ACOT7: variants seen among roughly 807,000 people sequenced by gnomAD.
ACOT7 encodes the protein acyl-CoA thioesterase 7, also known as cytosolic acyl coenzyme A thioester hydrolase.
In ACOT7, 12 loss-of-function variants were observed where a neutral mutation model predicts 40.2. That is an observed-to-expected ratio of 0.30 (90% CI 0.19 to 0.48). The LOEUF is 0.48. ACOT7 is among the 20% of genes least tolerant of loss of function. The pLI, the probability that ACOT7 is intolerant of heterozygous loss-of-function variation, is 0.99. For synonymous variants in ACOT7, 228 were observed against 219.5 expected (o/e 1.04, Z -0.34); for missense variants, 395 against 530.8 (o/e 0.74, Z 2.51).
chr1:6,296,548 C>T (rs1246974107), intron 6 of ACOT7, among the ~76,000 whole-genome samples: 3 of 151,890 alleles, frequency 2.0e-5, no homozygotes, highest in African/African-American at 7.3e-5. Context: ...CTCAGCCTCC[C>T]GAGTAGCTGG....
At chr1:6,367,947 T>G (rs1285872280) in intron 1 of ACOT7, among the ~76,000 whole-genome samples, 2 of 152,000 alleles carry the variant, frequency 1.3e-5, no homozygotes, top group African/African-American at 4.8e-5. Context: ...TCCCAGTGAG[T>G]GTTCAGCTCT....
At position 6,306,659 on chromosome 1, in the gene ACOT7, C is replaced by T. The variant is rs1344230030; in HGVS notation, c.713-11679G>A. On this transcript the variant is annotated intron_variant, in intron 6 of 8. Transcript: ENST00000361521. This position sits in a 1 kb window ranked among gnomAD's most constrained non-coding sequence, Gnocchi z 4.3. ...CTCAGCTTCACGAGGAAGAAAGCGG[C>T]GTCCCAAAGCATTTGTTTGTTCACC... 3.0e-6 allele frequency: 3 copies of T among 985,242 alleles called. No homozygotes were observed. The highest frequency in any genetic ancestry group is 3.5e-5 in the African/African-American group (2 of 57,220). 61.0% of individuals were successfully genotyped at this position (985,242 alleles called of 1,614,324 possible).
intron 5 of ACOT7, among the ~76,000 whole-genome samples, chr1:6,322,517 G>A (rs923497466): frequency 2.6e-5 from 4 of 152,320 alleles, no homozygotes; most frequent in East Asian, 1.9e-4. Flanking sequence ...GCAGAAATTC[G>A]TCTCACAGCC....
Position 6,280,049 on chromosome 1 carries a change from A to G in ACOT7, c.1014+1053T>C, listed in dbSNP as rs567480646. ...GCTTGCGGATCTGCGTGGGGAGCAGACGCCGCGGGGGCAGGGGCCTCGAGA... is the reference window on the plus strand; with the variant it reads ...GCTTGCGGATCTGCGTGGGGAGCAGGCGCCGCGGGGGCAGGGGCCTCGAGA... On this transcript the variant is annotated intron_variant, in intron 8 of 8. Coordinates refer to ENST00000361521, the MANE Select transcript of ACOT7 (RefSeq NM_007274.4). 1.2e-4 allele frequency among the ~76,000 whole-genome samples: 19 copies of G among 152,310 alleles called. No individual in the cohort carries two copies. The South Asian group carries it at 3.7e-3, about 30-fold the overall frequency.
At chr1:6,281,810 T>C (rs1639367111) in intron 7 of ACOT7, among the ~76,000 whole-genome samples, 1 of 152,076 alleles carries the variant, frequency 6.6e-6, no homozygotes, top group Admixed American at 6.5e-5. Flanking sequence ...ATTCCCACCC[T>C]CAGGGGCTCC....
At chr1:6,293,242 G>A (rs1005344389) in intron 7 of ACOT7, among the ~76,000 whole-genome samples, 5 of 152,198 alleles carry the variant, frequency 3.3e-5, no homozygotes, top group African/African-American at 1.2e-4. Context: ...GGACAACTGA[G>A]CACGGCAAGT....
At chr1:6,292,843 G>A (rs954225223) in intron 7 of ACOT7, among the ~76,000 whole-genome samples, 1 of 150,904 alleles carries the variant, frequency 6.6e-6, no homozygotes, top group African/African-American at 2.4e-5. Flanking sequence ...CACCAGCCTG[G>A]CTAATTTTTG....
chr1:6,341,818 AC>A lies in ACOT7; in HGVS notation c.262-2230del, dbSNP rs1332031688. On this transcript the variant is annotated intron_variant, in intron 2 of 8. Coordinates refer to ENST00000361521, the MANE Select transcript of ACOT7 (RefSeq NM_007274.4). ...TCTCATGATTCAAAATGTAAAAGGA[AC>A]AAAAAAGCCTATGGTGCTGGGTCTA... Among the ~76,000 whole-genome samples, 6 of 152,226 alleles carry A rather than the reference AC, an allele frequency of 3.9e-5. No homozygotes were observed. The East Asian group carries it at 1.2e-3, about 29-fold the overall frequency.
chr1:6,287,247 G>C (rs908498353), intron 7 of ACOT7, among the ~76,000 whole-genome samples: 1 of 151,014 alleles, frequency 6.6e-6, no homozygotes, highest in African/African-American at 2.5e-5. Context: ...AGGCCCTGAC[G>C]GGGCGGATGC....
intron 3 of ACOT7, among the ~76,000 whole-genome samples, chr1:6,334,079 T>C (rs1350989768): frequency 6.6e-6 from 1 of 152,108 alleles, no homozygotes; most frequent in Non-Finnish European, 1.5e-5. Context: ...GGAGCTTGAT[T>C]ATGAAAACAC....
chr1:6,370,287 A>G (rs1462144216), intron 1 of ACOT7, among the ~76,000 whole-genome samples: 1 of 152,208 alleles, frequency 6.6e-6, no homozygotes, highest in Admixed American at 6.5e-5. Context: ...CAGCTTGCAG[A>G]ACCATGAGCC....
At chr1:6,364,433 C>T (rs1017280134) in intron 1 of ACOT7, among the ~76,000 whole-genome samples, 4 of 149,550 alleles carry the variant, frequency 2.7e-5, no homozygotes, top group Admixed American at 6.7e-5. Flanking sequence ...CCCAGCTACT[C>T]GGGAGGCTGA....
At chr1:6,332,643 G>A (rs890538454) in intron 4 of ACOT7, among the ~76,000 whole-genome samples, 25 of 152,010 alleles carry the variant, frequency 1.6e-4, no homozygotes, top group East Asian at 1.9e-4. Flanking sequence ...GAGAAATCCC[G>A]TCTCTACTAA....
intron 7 of ACOT7, among the ~76,000 whole-genome samples, chr1:6,291,861 G>A (rs1639674228): frequency 6.6e-6 from 1 of 152,206 alleles, no homozygotes; most frequent in Non-Finnish European, 1.5e-5. Flanking sequence ...GAGCCAGCAG[G>A]GGCCGTGCCT....
intron 1 of ACOT7, among the ~76,000 whole-genome samples, chr1:6,356,178 G>A (rs1641738581): frequency 3.3e-5 from 5 of 152,296 alleles, no homozygotes; most frequent in Admixed American, 3.3e-4. Context: ...TGAGACACAG[G>A]AGGTCCAGGT....
At chr1:6,373,584 G>A (rs2148475084) in intron 1 of ACOT7, among the ~76,000 whole-genome samples, 1 of 152,032 alleles carries the variant, frequency 6.6e-6, no homozygotes, top group African/African-American at 2.4e-5. Flanking sequence ...GCAGGACCTG[G>A]CTGGGAGCAG....
In ACOT7 at chr1:6,264,631, G is replaced by A. The variant is rs578211150; in HGVS notation, c.1079C>T (p.Ala360Val). 4 of 1,613,196 alleles carry A rather than the reference G, an allele frequency of 2.5e-6. No homozygotes were observed. Among genetic ancestry groups the A allele is most frequent in the African/African-American group, 1.3e-5 (1 of 75,046 alleles). ...EGKGRYLQMK[A>V]KRQGHAEPQP is the part of the protein sequence containing the mutation. ...AGGCTCCGCGTGGCCCTGTCGCTTC[G>A]CCTTCATCTGCAGGTACCGCCCTTT... Residue 360 changes from alanine (A) to valine (V), a missense_variant, in exon 9 of 9, where the codon GCG becomes GTG. Coordinates refer to ENST00000361521, the MANE Select transcript of ACOT7 (RefSeq NM_007274.4).
chr1:6,370,693 A>C (rs984843640), intron 1 of ACOT7, among the ~76,000 whole-genome samples: 2 of 151,754 alleles, frequency 1.3e-5, no homozygotes, highest in Admixed American at 1.3e-4. Context: ...GGGTTTCACC[A>C]TGTTGGCCAG....
chr1:6,283,669 G>A (rs1422369871), intron 7 of ACOT7, among the ~76,000 whole-genome samples: 3 of 152,202 alleles, frequency 2.0e-5, no homozygotes, highest in Non-Finnish European at 4.4e-5. Context: ...ATGCTGTCTG[G>A]GAGAGCCTCT....
Sources: allele counts gnomAD v4.1 joint callset (sites outside exome capture counted in the v4.1 genomes callset), GRCh38; gene constraint gnomAD v4.1.1; non-coding constraint Gnocchi (gnomAD v3.1); transcripts MANE v1.5; gene names NCBI Gene and HGNC (gene_info 2026-07-23, HGNC 2026-07-21).